Variants in FLAD1 observed in about 807,000 individuals in gnomAD.
FLAD1 encodes bifunctional FAD diphosphatase/FAD synthase.
In FLAD1, 35 loss-of-function variants were observed where a neutral mutation model predicts 55.0. The ratio of observed to expected loss-of-function variants is 0.64; its 90% CI spans 0.49 to 0.84. The LOEUF is 0.84. Ranked by LOEUF, FLAD1 falls within the 40% of genes least tolerant of loss-of-function variation. The pLI is 0.00. For missense variants in FLAD1, 665 were observed against 742.6 expected, an observed-to-expected ratio of 0.90 and a Z score of 1.21; for synonymous variants, 267 against 303.0, an observed-to-expected ratio of 0.88 and a Z score of 1.23.
At position 154,988,474 on chromosome 1, in the gene FLAD1, G is replaced by A. The variant is rs776606717; in HGVS notation, c.742G>A (p.Val248Ile). 1.1e-5 allele frequency: 18 copies of A among 1,614,084 alleles called. No homozygotes were observed. Among genetic ancestry groups the A allele is most frequent in the East Asian group, 2.2e-5 (1 of 44,890 alleles). The change falls in exon 2 of 7, where the codon GTC becomes ATC. Residue 248 changes from valine to isoleucine, a missense_variant. Val to Ile is a conservative substitution (Grantham distance 29). Transcript: ENST00000292180. ...GQPFRFPLVS[V>I]RNVYLFPGIP... is the part of the protein sequence containing the mutation. Reference sequence around the variant, plus strand: ...ACCTTTCAGATTCCCTCTGGTCTCCGTCCGAAACGTCTACCTCTTCCCAGG... The same window carrying A: ...ACCTTTCAGATTCCCTCTGGTCTCCATCCGAAACGTCTACCTCTTCCCAGG...
At position 154,983,662 on chromosome 1, in the gene FLAD1, A is replaced by C; in HGVS notation, c.-33A>C. 2 of 1,568,570 alleles carry C rather than the reference A, an allele frequency of 1.3e-6. No homozygotes were observed. The highest frequency in any genetic ancestry group is 1.7e-6 in the Non-Finnish European group (2 of 1,156,294). On this transcript the variant is annotated 5_prime_UTR_variant, in exon 1 of 7. Transcript: ENST00000292180. ...GGTTCTCAAGAGAGAAGAAGTTTTT[A>C]AGACTAGAGCTAAGCAAGACATTTA...
At position 154,988,707 on chromosome 1, in the gene FLAD1, G is replaced by C. The variant is rs747142422; in HGVS notation, c.975G>C (p.Leu325=). Residue 325 remains leucine (L), a synonymous_variant, in exon 2 of 7, where the codon CTG becomes CTC. Transcript: ENST00000292180. ...GCAGCAACTACTATCAGGTGAAGCT[G>C]ACTCTAGACTCAGAGGAAGAAGGAC... ...DWGSNYYQVK[L]TLDSEEEGPL... The C allele has an allele frequency of 5.0e-6, 8 of 1,614,210 alleles. No homozygotes were observed. The highest frequency in any genetic ancestry group is 6.8e-6 in the Non-Finnish European group (8 of 1,180,040).
Position 154,983,530 on chromosome 1 carries a change from G to C in FLAD1, c.-165G>C, listed in dbSNP as rs1657418621. On this transcript the variant is annotated 5_prime_UTR_variant, in exon 1 of 7. Transcript: ENST00000292180. ...GGGTGGAGAGCGAATGCATTGAAAA[G>C]GGCCAAGGCCCAGGATAAGGTAGAC... 1.5e-6 allele frequency: 1 copy of C among 655,624 alleles called. No homozygotes were observed. The highest frequency in any genetic ancestry group is 2.5e-6 in the Non-Finnish European group (1 of 398,210). 40.6% of individuals were successfully genotyped at this position (655,624 alleles called of 1,614,324 possible).
At chr1:154,992,312 G>A (rs975134316) in intron 5 of FLAD1, among the ~76,000 whole-genome samples, 5 of 151,484 alleles carry the variant, frequency 3.3e-5, no homozygotes, top group African/African-American at 1.2e-4. Flanking sequence ...GCACAGTGGT[G>A]GGCGCCTGTA....
Position 154,984,076 on chromosome 1 carries a change from G to T in FLAD1, c.372+10G>T. On this transcript the variant is annotated intron_variant, in intron 1 of 6. Transcript: ENST00000292180. Reference sequence around the variant, plus strand: ...AGATGAGATCCTTAAGGTGTGTCTGGGACAGAAAAGGGGGGAGGGCGCTGC... The same window carrying T: ...AGATGAGATCCTTAAGGTGTGTCTGTGACAGAAAAGGGGGGAGGGCGCTGC... 1 of 1,492,290 alleles carries T rather than the reference G, an allele frequency of 6.7e-7. No homozygotes were observed. Among genetic ancestry groups the T allele is most frequent in the Non-Finnish European group, 8.9e-7 (1 of 1,118,804 alleles). The allele number at this position is 1,492,290 out of a possible 1,614,324, so 92.4% of individuals were successfully genotyped here.
At position 154,993,043 on chromosome 1, in the gene FLAD1, C is replaced by T. The variant is rs2102254102; in HGVS notation, c.*6C>T. ...AGCGGAACTCCCGCACATGACCTCCCACCCTAGGAGGGAGGGAAGGACACC... is the reference window on the plus strand; with the variant it reads ...AGCGGAACTCCCGCACATGACCTCCTACCCTAGGAGGGAGGGAAGGACACC... On this transcript the variant is annotated 3_prime_UTR_variant, in exon 7 of 7. Coordinates refer to ENST00000292180, the MANE Select transcript of FLAD1 (RefSeq NM_025207.5). The T allele has an allele frequency of 1.2e-6, 2 of 1,613,670 alleles. No homozygotes were observed. Among genetic ancestry groups the T allele is most frequent in the East Asian group, 2.2e-5 (1 of 44,872 alleles).
intron 3 of FLAD1, 112 bp downstream of exon 3, chr1:154,989,819 G>A (rs1224484477): frequency 8.3e-7 from 1 of 1,205,790 alleles, no homozygotes; most frequent in African/African-American, 1.5e-5. Context: ...GATAGTCATG[G>A]TGACCTCTCA....
chr1:154,992,800 G>A lies in FLAD1; in HGVS notation c.1628+14G>A. On this transcript the variant is annotated intron_variant, in intron 6 of 6. Coordinates refer to ENST00000292180, the MANE Select transcript of FLAD1 (RefSeq NM_025207.5). ...GTATGACCGAGGGTAAGGGTATTAG[G>A]GGAAGGGAATGGGTAAGGGAGTTTT... The A allele has an allele frequency of 6.2e-7, 1 of 1,614,154 alleles. No homozygotes were observed. Among genetic ancestry groups the A allele is most frequent in the Non-Finnish European group, 8.5e-7 (1 of 1,180,014 alleles).
intron 5 of FLAD1, among the ~76,000 whole-genome samples, chr1:154,991,730 C>T (rs1246539483): frequency 6.6e-6 from 1 of 151,850 alleles, no homozygotes; most frequent in Non-Finnish European, 1.5e-5. Context: ...TGATCAATGC[C>T]TGTAGTCCCA....
chr1:154,986,337 C>T (rs1487687993), intron 1 of FLAD1, among the ~76,000 whole-genome samples: 2 of 152,046 alleles, frequency 1.3e-5, no homozygotes, highest in Non-Finnish European at 2.9e-5. Flanking sequence ...CTGCCTCAGC[C>T]TCCCGAGTAG....
Position 154,984,011 on chromosome 1 carries a change from C to T in FLAD1, c.317C>T (p.Ser106Phe). The change falls in exon 1 of 7, where the codon TCT (serine) becomes TTT (phenylalanine). Residue 106 changes from serine (S) to phenylalanine (F), a missense_variant. Ser to Phe is a radical substitution (Grantham distance 155, BLOSUM62 -2). Coordinates refer to ENST00000292180, the MANE Select transcript of FLAD1 (RefSeq NM_025207.5). Reference sequence around the variant, plus strand: ...ATGACATCTAGGGCCTCTGAACTTTCTCCGGGGCGCAGCGTGACGGCTGGC... The same window carrying T: ...ATGACATCTAGGGCCTCTGAACTTTTTCCGGGGCGCAGCGTGACGGCTGGC... Reference protein sequence around the residue: ...RTMTSRASELSPGRSVTAGII... With the variant: ...RTMTSRASELFPGRSVTAGII... 1 of 1,515,388 alleles carries T rather than the reference C, an allele frequency of 6.6e-7. No individual in the cohort carries two copies. The highest frequency in any genetic ancestry group is 8.8e-7 in the Non-Finnish European group (1 of 1,131,250). 93.9% of individuals were successfully genotyped at this position (1,515,388 alleles called of 1,614,324 possible). A position where few individuals can be genotyped will look rare whatever the true frequency, so the allele number is the denominator to read the frequency against.
chr1:154,988,945 C>A, intron 2 of FLAD1, 96 bp downstream of exon 2: 4 of 1,569,556 alleles, frequency 2.5e-6, no homozygotes, highest in Admixed American at 1.9e-5. Flanking sequence ...TCCTGCAAAT[C>A]CCTGAGAGGG....
chr1:154,985,177 A>G (rs959981181), intron 1 of FLAD1, among the ~76,000 whole-genome samples: 9 of 148,586 alleles, frequency 6.1e-5, no homozygotes, highest in African/African-American at 2.2e-4. Flanking sequence ...GCCAAATGTC[A>G]AGTTTTAATA....
At chr1:154,985,716 A>ATTTTT (rs34387427) in intron 1 of FLAD1, among the ~76,000 whole-genome samples, 3 of 75,490 alleles carry the variant, frequency 4.0e-5, no homozygotes, top group Non-Finnish European at 7.7e-5. Context: ...CCTGACCCCA[A>ATTTTT]TTTTTTTTTT....
Position 154,988,299 on chromosome 1 carries a change from G to GGC in FLAD1, c.568_569dup (p.Val191GlnfsTer10), listed in dbSNP as rs876661310. The GGC allele has an allele frequency of 3.7e-6, 6 of 1,614,214 alleles. No individual in the cohort carries two copies. On this transcript the variant is annotated frameshift_variant, in exon 2 of 7. Coordinates refer to ENST00000292180, the MANE Select transcript of FLAD1 (RefSeq NM_025207.5). LOFTEE classifies it high-confidence loss of function. ...CCACTCATGATGATGTGACCTTTGA[G>GGC]GCAGTGGCACAGGCCTTTGGAGATG...
At position 154,988,155 on chromosome 1, in the gene FLAD1, C is replaced by T. The variant is rs921109401; in HGVS notation, c.423C>T (p.Ser141=). 6 of 1,614,228 alleles carry T rather than the reference C, an allele frequency of 3.7e-6. No individual in the cohort carries two copies. The highest frequency in any genetic ancestry group is 1.7e-5 in the Admixed American group (1 of 60,028). Residue 141 remains serine (S), a synonymous_variant, in exon 2 of 7, where the codon TCC becomes TCT. Transcript: ENST00000292180. The part of the protein sequence containing the change: ...NTFFLCRTLR[S]LGVQVCRVSV... ...TCTTTCTGTGCCGGACACTGCGCTCCCTAGGGGTCCAGGTTTGCCGAGTCT... is the reference window on the plus strand; with the variant it reads ...TCTTTCTGTGCCGGACACTGCGCTCTCTAGGGGTCCAGGTTTGCCGAGTCT...
chr1:154,985,031 A>ATTTTTTTTTTTTTTTTTTTT (rs749772991), intron 1 of FLAD1, among the ~76,000 whole-genome samples: 1 of 32,586 alleles, frequency 3.1e-5, no homozygotes, highest in Non-Finnish European at 5.3e-5. Context: ...CACCTGGCTA[A>ATTTTTTTTTTTTTTTTTTTT]TTTTTTTTTT....
chr1:154,989,430 A>G, intron 2 of FLAD1, 130 bp from the exon 3 acceptor site: 1 of 953,752 alleles, frequency 1.0e-6, no homozygotes, highest in South Asian at 2.0e-5. Context: ...GGGCAGCATG[A>G]AGGAGTTTGG....
At chr1:154,984,449 C>T (rs1657471073) in intron 1 of FLAD1, among the ~76,000 whole-genome samples, 1 of 152,006 alleles carries the variant, frequency 6.6e-6, no homozygotes, top group African/African-American at 2.4e-5. Flanking sequence ...TGCGGTGGCT[C>T]ACGCATGTAA....
Sources: allele counts gnomAD v4.1 joint callset (sites outside exome capture counted in the v4.1 genomes callset), GRCh38; gene constraint gnomAD v4.1.1; transcripts MANE v1.5; gene names NCBI Gene and HGNC (gene_info 2026-07-23, HGNC 2026-07-21).